The following GREB1 variants were observed in gnomAD, a reference collection of about 807,000 sequenced individuals.
GREB1 encodes growth regulating estrogen receptor binding 1, also known as protein GREB1.
A neutral mutation model predicts 200.7 loss-of-function variants in GREB1; 106 were observed. The observed-to-expected ratio is 0.53, with a 90% CI of 0.45 to 0.62. The LOEUF (loss-of-function observed/expected upper bound fraction) is 0.62. GREB1 is among the 20% of genes least tolerant of loss of function. The pLI is 0.00. For missense variants in GREB1, 2,243 were observed against 2,556.8 expected (o/e 0.88, Z 2.65); for synonymous variants, 1,132 against 1,092.4 (o/e 1.04, Z -0.72).
At chr2:11,570,379 G>C (rs2147989888) in intron 4 of GREB1, among the ~76,000 whole-genome samples, 1 of 148,604 alleles carries the variant, frequency 6.7e-6, no homozygotes, top group East Asian at 2.0e-4. Flanking sequence ...CTCCAGTCTA[G>C]GCGACAAGAG....
chr2:11,601,964 A>G (rs529985229), intron 16 of GREB1, among the ~76,000 whole-genome samples: 71 of 152,324 alleles, frequency 4.7e-4, no homozygotes, highest in African/African-American at 1.6e-3. Flanking sequence ...AACTCCCCCA[A>G]CTTTGGAATT....
In GREB1 at chr2:11,642,719, A is replaced by G. The variant is rs1158593816; in HGVS notation, c.*2265A>G. On this transcript the variant is annotated 3_prime_UTR_variant, in exon 33 of 33. Coordinates refer to ENST00000381486, the MANE Select transcript of GREB1 (RefSeq NM_014668.4). ...CTCCCCACTTTATTAGTTAATTTAA[A>G]TTGGAAAAAACCCTCAAACTAATAT... 2 of 152,122 alleles carry G rather than the reference A, an allele frequency of 1.3e-5. No homozygotes were observed. Among genetic ancestry groups the G allele is most frequent in the African/African-American group, 4.8e-5 (2 of 41,418 alleles). 9.4% of individuals were successfully genotyped at this position (152,122 alleles called of 1,614,324 possible).
At chr2:11,614,382 C>T (rs1488120338) in intron 19 of GREB1, among the ~76,000 whole-genome samples, 1 of 152,138 alleles carries the variant, frequency 6.6e-6, no homozygotes, top group Non-Finnish European at 1.5e-5. Flanking sequence ...CCGCCTTCGC[C>T]TCTCAAAGTG....
At chr2:11,546,469 T>C (rs1276443200) in intron 1 of GREB1, among the ~76,000 whole-genome samples, 2 of 152,254 alleles carry the variant, frequency 1.3e-5, no homozygotes, top group Non-Finnish European at 1.5e-5. Context: ...GGTTTATGCA[T>C]GCATGGACCA....
In GREB1 at chr2:11,548,907, AT is replaced by A; in HGVS notation, c.-161-7543del. ...TTGTTGAGTATTCTAGGTAGGGAAA[AT>A]TTTCCCTTAAAATTTTCCGGGCATT... On this transcript the variant is annotated intron_variant, in intron 1 of 32. Transcript: ENST00000381486. The surrounding 1 kb of genome is among the most constrained non-coding windows in gnomAD (Gnocchi z 5.1). Among the ~76,000 whole-genome samples, 1 of 151,948 alleles carries A rather than the reference AT, an allele frequency of 6.6e-6. No individual in the cohort carries two copies. The highest frequency in any genetic ancestry group is 1.5e-5 in the Non-Finnish European group (1 of 67,974).
At chr2:11,635,508 A>G in intron 30 of GREB1, 103 bp downstream of exon 30, 2 of 1,357,994 alleles carry the variant, frequency 1.5e-6, no homozygotes, top group Admixed American at 2.3e-5. Context: ...GTCTCTTTCA[A>G]GCGCATGGGG....
Position 11,592,970 on chromosome 2 carries a change from G to A in GREB1, c.1540G>A (p.Asp514Asn), listed in dbSNP as rs759359789. Residue 514 changes from aspartate (D) to asparagine (N), a missense_variant, in exon 11 of 33, where the codon GAC (aspartate) becomes AAC (asparagine). By Grantham distance (23) the Asp-to-Asn change is conservative. Around this residue, in one of 3 missense-constraint regions of GREB1, gnomAD observed 1,178 missense variants for 1,387.4 expected, o/e 0.85. Transcript: ENST00000381486. ...LASLAASSCN[D>N]SVHVIECAYS... is the part of the protein sequence containing the mutation. ...CAGCCTGGCCGCCAGCTCCTGCAAC[G>A]ACAGCGTGCACGTCATCGAGTGTGC... 2.7e-5 allele frequency: 43 copies of A among 1,600,378 alleles called. No individual in the cohort carries two copies. In the Admixed American group the frequency reaches 6.3e-4, roughly 23 times the overall value.
At chr2:11,484,081 G>A (rs1672587104) in intron 1 of GREB1, among the ~76,000 whole-genome samples, 1 of 152,114 alleles carries the variant, frequency 6.6e-6, no homozygotes, top group Non-Finnish European at 1.5e-5. Flanking sequence ...AAATATTGTG[G>A]TCATGCCGCC....
At chr2:11,574,525 A>T (rs969333823) in intron 4 of GREB1, among the ~76,000 whole-genome samples, 1 of 152,094 alleles carries the variant, frequency 6.6e-6, no homozygotes, top group Non-Finnish European at 1.5e-5. Context: ...AAGGCAGGGG[A>T]GTCCAGCTGG....
At chr2:11,553,523 G>A (rs988644345) in intron 1 of GREB1, among the ~76,000 whole-genome samples, 5 of 151,790 alleles carry the variant, frequency 3.3e-5, no homozygotes, top group Non-Finnish European at 5.9e-5. Flanking sequence ...TTTCTATGCT[G>A]TCTTGTTTTT....
At chr2:11,501,997 A>G (rs1248032661) in intron 1 of GREB1, among the ~76,000 whole-genome samples, 2 of 117,242 alleles carry the variant, frequency 1.7e-5, no homozygotes, top group Non-Finnish European at 3.3e-5. Context: ...GCTCACTGCA[A>G]CCTCCACCTC....
At position 11,633,655 on chromosome 2, in the gene GREB1, A is replaced by AGTATAT. The variant is rs989308331; in HGVS notation, c.4992-471_4992-470insTGTATA. Among the ~76,000 whole-genome samples, 4 of 152,202 alleles carry AGTATAT rather than the reference A, an allele frequency of 2.6e-5. No homozygotes were observed. Among genetic ancestry groups the AGTATAT allele is most frequent in the Non-Finnish European group, 4.4e-5 (3 of 68,030 alleles). On this transcript the variant is annotated intron_variant, in intron 28 of 32. Coordinates refer to ENST00000381486, the MANE Select transcript of GREB1 (RefSeq NM_014668.4). This position sits in a 1 kb window ranked among gnomAD's most constrained non-coding sequence, Gnocchi z 4.1. ...AGTATAATATATAGACAAAAAAGAA[A>AGTATAT]GTATAATACATATACAGAACTTTTC...
intron 1 of GREB1, among the ~76,000 whole-genome samples, chr2:11,540,978 A>C (rs369639966): frequency 6.6e-6 from 1 of 152,212 alleles, no homozygotes; most frequent in African/African-American, 2.4e-5. Context: ...GAAGTAAGTC[A>C]CCATGCTTCT....
chr2:11,586,316 C>A (rs930474809), intron 9 of GREB1, among the ~76,000 whole-genome samples: 1 of 152,266 alleles, frequency 6.6e-6, no homozygotes, highest in Non-Finnish European at 1.5e-5. Context: ...CTCCTGTTAT[C>A]ACCCACGCCA....
intron 1 of GREB1, among the ~76,000 whole-genome samples, chr2:11,539,453 G>C (rs74381889): frequency 1.3e-5 from 2 of 152,128 alleles, no homozygotes; most frequent in African/African-American, 4.8e-5. Context: ...GAAGGGGCAC[G>C]TGCTCGCTTA....
intron 30 of GREB1, 74 bp from the exon 31 acceptor site, chr2:11,637,641 CT>C (rs1685484737): frequency 1.4e-6 from 2 of 1,400,240 alleles, no homozygotes; most frequent in Admixed American, 1.7e-5. Context: ...TTGGGCCACC[CT>C]TGCAGCCCGG....
rs1337861134 is a variant in GREB1 at position 11,595,317 on chromosome 2, A to G, written c.1763A>G (p.Asn588Ser). 1.2e-6 allele frequency: 2 copies of G among 1,614,032 alleles called. No homozygotes were observed. The highest frequency in any genetic ancestry group is 1.7e-6 in the Non-Finnish European group (2 of 1,179,944). Residue 588 changes from asparagine (N) to serine (S), a missense_variant, in exon 12 of 33, where the codon AAT becomes AGT. Transcript: ENST00000381486. The part of the protein sequence containing the change: ...LTPAEYQKEV[N>S]YELVTGKVDS... The stretch of plus-strand genomic sequence containing the variant: ...CCTGCGGAGTACCAGAAGGAAGTCA[A>G]TTACGAGCTGGTTACGGGGAAGGTA...
At chr2:11,619,673 G>A (rs992867012) in intron 22 of GREB1, among the ~76,000 whole-genome samples, 3 of 152,102 alleles carry the variant, frequency 2.0e-5, no homozygotes, top group Admixed American at 2.0e-4. Flanking sequence ...ACATATTCTT[G>A]TGTTTTTACT....
At chr2:11,636,761 AGGGCAGGGGCAG>A (rs143153422) in intron 30 of GREB1, among the ~76,000 whole-genome samples, 9 of 124,206 alleles carry the variant, frequency 7.2e-5, no homozygotes, top group African/African-American at 2.4e-4. Flanking sequence ...GGCAGGGGCA[AGGGCAGGGGCAG>A]GGGCAGGGGC....
Sources: gnomAD v4.1 joint callset for allele counts (sites outside exome capture counted in the v4.1 genomes callset) on GRCh38, gnomAD v4.1.1 for gene constraint, gnomAD v4.1.1 regional missense constraint, Gnocchi (gnomAD v3.1) non-coding constraint, MANE v1.5 for transcripts, NCBI Gene and HGNC (gene_info 2026-07-23, HGNC 2026-07-21) for gene names.